The following FHOD3 variants were observed in gnomAD, a reference collection of about 807,000 sequenced individuals.
FHOD3 encodes the protein formin homology 2 domain containing 3.
FHOD3 carries 90 observed loss-of-function variants against 173.0 expected under a neutral mutation model. That is an observed-to-expected ratio of 0.52 (90% CI 0.44 to 0.62). The LOEUF is 0.62. Among genes scored for constraint, FHOD3 ranks in the 20% least tolerant of loss-of-function variants. FHOD3 has a pLI of 0.00. For synonymous variants in FHOD3, 828 were observed against 823.0 expected (o/e 1.01, Z -0.10); for missense variants, 1,945 against 2,034.7 (o/e 0.96, Z 0.85).
chr18:36,736,344 C>G (rs1027094456), intron 20 of FHOD3, among the ~76,000 whole-genome samples: 1 of 152,210 alleles, frequency 6.6e-6, no homozygotes, highest in South Asian at 2.1e-4. Flanking sequence ...GAGGTGGTTG[C>G]TCTCCACCAG....
chr18:36,580,890 G>T (rs968074691), intron 6 of FHOD3, among the ~76,000 whole-genome samples: 1 of 152,184 alleles, frequency 6.6e-6, no homozygotes, highest in East Asian at 1.9e-4. Context: ...AACCTGGAAA[G>T]GTTACCTTGA....
chr18:36,684,294 A>T (rs1030293417), intron 15 of FHOD3, among the ~76,000 whole-genome samples: 2 of 152,262 alleles, frequency 1.3e-5, no homozygotes, highest in Non-Finnish European at 2.9e-5. Flanking sequence ...AAAATATGTA[A>T]AATGTACAGA....
At chr18:36,664,198 A>T (rs553095397) in intron 14 of FHOD3, among the ~76,000 whole-genome samples, 1 of 152,366 alleles carries the variant, frequency 6.6e-6, no homozygotes, top group African/African-American at 2.4e-5. Flanking sequence ...CTTCTCTGAG[A>T]AAATCCCAAA....
rs564528401 is a variant in FHOD3 at position 36,436,424 on chromosome 18, C to T, written c.337+63680C>T. Reference sequence around the variant, plus strand: ...CAGATTTGCTTATTTGTTTGTTATCCGAGGTATTAAAACCCCCATGCACAA... The same window carrying T: ...CAGATTTGCTTATTTGTTTGTTATCTGAGGTATTAAAACCCCCATGCACAA... On this transcript the variant is annotated intron_variant, in intron 3 of 28. Coordinates refer to ENST00000590592, the MANE Select transcript of FHOD3 (RefSeq NM_001281740.3). 7.2e-5 allele frequency among the ~76,000 whole-genome samples: 11 copies of T among 152,058 alleles called. No homozygotes were observed. In the South Asian group the frequency reaches 1.0e-3, roughly 14 times the overall value.
At chr18:36,407,125 C>G (rs1327513194) in intron 3 of FHOD3, among the ~76,000 whole-genome samples, 1 of 152,218 alleles carries the variant, frequency 6.6e-6, no homozygotes, top group African/African-American at 2.4e-5. Flanking sequence ...TCAGTTTCCT[C>G]CTCCAAGGAC....
At chr18:36,339,759 G>T (rs2045516826) in intron 1 of FHOD3, among the ~76,000 whole-genome samples, 1 of 152,204 alleles carries the variant, frequency 6.6e-6, no homozygotes, top group Non-Finnish European at 1.5e-5. Context: ...TGTCCAGTGA[G>T]TATCCCCGTG....
At chr18:36,636,743 G>A (rs1406491799) in intron 10 of FHOD3, among the ~76,000 whole-genome samples, 2 of 151,652 alleles carry the variant, frequency 1.3e-5, no homozygotes, top group East Asian at 3.9e-4. Context: ...ATAAGGAGGT[G>A]GCTGGTCAGG....
chr18:36,482,053 A>G (rs1262339651), intron 3 of FHOD3, among the ~76,000 whole-genome samples: 2 of 152,212 alleles, frequency 1.3e-5, no homozygotes, highest in African/African-American at 2.4e-5. Context: ...TTATAAAAAA[A>G]AGAAGGTGGT....
chr18:36,568,326 CAAAAAAAAAAAAAAAAAAAAAAAAAAAA>C (rs71168234), intron 5 of FHOD3, among the ~76,000 whole-genome samples: 1 of 24,046 alleles, frequency 4.2e-5, no homozygotes, highest in Admixed American at 5.4e-4. Flanking sequence ...GACTCTGTCT[CAAAAAAAAAAAAAAAAAAAAAAAAAAAA>C]AAAAAAAAAA....
At chr18:36,617,006 C>A (rs2033260158) in intron 9 of FHOD3, among the ~76,000 whole-genome samples, 1 of 152,166 alleles carries the variant, frequency 6.6e-6, no homozygotes, top group East Asian at 1.9e-4. Flanking sequence ...TCATCTCACC[C>A]AGCAAGGAGC....
intron 14 of FHOD3, among the ~76,000 whole-genome samples, chr18:36,675,409 C>T (rs980551520): frequency 1.4e-4 from 22 of 152,168 alleles, no homozygotes; most frequent in Admixed American, 1.3e-4. Context: ...ACTTTGGTCT[C>T]ATACAGGGCC....
chr18:36,755,041 TCTTA>T (rs2042570879), intron 24 of FHOD3, 74 bp from the exon 25 acceptor site: 1 of 622,776 alleles, frequency 1.6e-6, no homozygotes. Flanking sequence ...CACATTGGTT[TCTTA>T]CTGAGAGATT....
chr18:36,766,033 T>TA (rs2043125219), intron 27 of FHOD3, among the ~76,000 whole-genome samples: 1 of 151,798 alleles, frequency 6.6e-6, no homozygotes, highest in Non-Finnish European at 1.5e-5. Flanking sequence ...GACAAAGTGC[T>TA]AAAATAAATA....
intron 3 of FHOD3, among the ~76,000 whole-genome samples, chr18:36,416,804 C>T (rs12960996): frequency 0.15 from 22,557 of 152,066 alleles, 1,925 homozygotes; most frequent in South Asian, 0.34. Flanking sequence ...AAAGCCAGCC[C>T]CTGCTCCCTT....
intron 17 of FHOD3, among the ~76,000 whole-genome samples, chr18:36,698,343 TG>T (rs1239369519): frequency 1.3e-5 from 2 of 152,252 alleles, no homozygotes; most frequent in Admixed American, 1.3e-4. Flanking sequence ...CTCATAGAAA[TG>T]ACAGTTGTCT....
chr18:36,526,513 C>A (rs1599516744), intron 5 of FHOD3, among the ~76,000 whole-genome samples: 1 of 152,278 alleles, frequency 6.6e-6, no homozygotes, highest in East Asian at 1.9e-4. Context: ...GCAACCTCCG[C>A]CTCCTGCGTT....
rs538268829 is a variant in FHOD3, at chr18:36,637,994, G to GT, written c.1197-11314dup. Among the ~76,000 whole-genome samples, 985 of 152,308 alleles carry GT rather than the reference G, an allele frequency of 6.5e-3. 16 individuals are homozygous for GT. The highest frequency in any genetic ancestry group is 0.022 in the African/African-American group (927 of 41,558). Reference sequence around the variant, plus strand: ...ATGTAAAAAGATTGTAGAATAATATGTTTTTTTTAAAATCTAGATGTTTAT... The same window carrying GT: ...ATGTAAAAAGATTGTAGAATAATATGTTTTTTTTTAAAATCTAGATGTTTAT... On this transcript the variant is annotated intron_variant, in intron 10 of 28. Coordinates refer to ENST00000590592, the MANE Select transcript of FHOD3 (RefSeq NM_001281740.3).
intron 3 of FHOD3, among the ~76,000 whole-genome samples, chr18:36,385,351 C>T (rs1280628732): frequency 6.6e-6 from 1 of 152,184 alleles, no homozygotes. Flanking sequence ...TCCTGCTTAG[C>T]TGCTGGCATT....
At chr18:36,316,886 CT>C (rs1229755458) in intron 1 of FHOD3, among the ~76,000 whole-genome samples, 1 of 152,102 alleles carries the variant, frequency 6.6e-6, no homozygotes, top group Non-Finnish European at 1.5e-5. Flanking sequence ...CCCCCACCCC[CT>C]GACAGGCCCC....
Sources: gnomAD v4.1 joint callset for allele counts (sites outside exome capture counted in the v4.1 genomes callset) on GRCh38, gnomAD v4.1.1 for gene constraint, MANE v1.5 for transcripts, NCBI Gene and HGNC (gene_info 2026-07-23, HGNC 2026-07-21) for gene names.